TUSC3: variants seen among roughly 807,000 people sequenced by gnomAD.
TUSC3 encodes the protein tumor suppressor candidate 3, also known as dolichyl-diphosphooligosaccharide--protein glycosyltransferase subunit TUSC3.
A neutral mutation model predicts 44.8 loss-of-function variants in TUSC3; 45 were observed. That is an observed-to-expected ratio of 1.00 (90% confidence interval 0.79 to 1.29). The LOEUF (loss-of-function observed/expected upper bound fraction) is 1.29. Ranked by LOEUF, TUSC3 falls within the 50% of genes most tolerant of loss-of-function variation. The pLI is 0.00. For missense variants in TUSC3, 519 were observed against 437.9 expected, an observed-to-expected ratio of 1.19 and a Z score of -1.65; for synonymous variants, 212 against 152.9, an observed-to-expected ratio of 1.39 and a Z score of -2.85.
chr8:15,827,649 G>C, the TUSC3 span, among the ~76,000 whole-genome samples: 1 of 152,128 alleles, frequency 6.6e-6, no homozygotes, highest in Non-Finnish European at 1.5e-5. Context: ...TTTTGCTAAT[G>C]TGTACATTTG....
intron 6 of TUSC3, among the ~76,000 whole-genome samples, chr8:15,711,590 A>G (rs919174729): frequency 6.6e-6 from 1 of 150,968 alleles, no homozygotes; most frequent in African/African-American, 2.4e-5. Flanking sequence ...TTAACTTTGG[A>G]ATTTGTGATA....
intron 2 of TUSC3, among the ~76,000 whole-genome samples, chr8:15,641,058 G>A (rs917580665): frequency 1.3e-5 from 2 of 152,130 alleles, no homozygotes; most frequent in Non-Finnish European, 2.9e-5. Context: ...GTGCTCTGTA[G>A]CTATAGAAAA....
intron 2 of TUSC3, among the ~76,000 whole-genome samples, chr8:15,514,441 G>T (rs1801187459): frequency 6.6e-6 from 1 of 152,066 alleles, no homozygotes; most frequent in African/African-American, 2.4e-5. Context: ...ATATTTCTTT[G>T]GATGCTGTAA....
chr8:15,753,439 T>A (rs904670035), intron 9 of TUSC3, among the ~76,000 whole-genome samples: 1 of 152,094 alleles, frequency 6.6e-6, no homozygotes, highest in African/African-American at 2.4e-5. Context: ...CAGGTTTATA[T>A]AGTATAACTG....
At chr8:15,663,943 T>A in intron 5 of TUSC3, among the ~76,000 whole-genome samples, 1 of 151,982 alleles carries the variant, frequency 6.6e-6, no homozygotes, top group Middle Eastern at 3.4e-3. Context: ...GTCACTATTT[T>A]AGTCTACCAA....
chr8:15,754,317 A>C (rs990004989), intron 9 of TUSC3, among the ~76,000 whole-genome samples: 1 of 111,664 alleles, frequency 9.0e-6, no homozygotes, highest in African/African-American at 2.8e-5. Flanking sequence ...AACCACTCCA[A>C]CCATCCAAGA....
the TUSC3 span, among the ~76,000 whole-genome samples, chr8:15,834,485 C>T: frequency 7.2e-5 from 11 of 152,120 alleles, no homozygotes; most frequent in Non-Finnish European, 1.6e-4. Flanking sequence ...GTTTTTTAGA[C>T]TGAAACAGGT....
At chr8:15,808,223 G>C in the TUSC3 span, among the ~76,000 whole-genome samples, 1 of 151,940 alleles carries the variant, frequency 6.6e-6, no homozygotes, top group Non-Finnish European at 1.5e-5. Flanking sequence ...GGTATAATGT[G>C]TTCCTTAAGA....
intron 2 of TUSC3, among the ~76,000 whole-genome samples, chr8:15,502,368 C>G (rs1433135808): frequency 4.6e-5 from 7 of 152,138 alleles, no homozygotes; most frequent in Admixed American, 4.6e-4. Context: ...CCTTTTTCAG[C>G]CCTCAGACTG....
Position 15,692,363 on chromosome 8 carries a change from C to CG in TUSC3, c.798+18527_798+18528insG, listed in dbSNP as rs1301204935. 3.7e-4 allele frequency among the ~76,000 whole-genome samples: 46 copies of CG among 125,802 alleles called. 1 individual carries two copies. Among genetic ancestry groups the CG allele is most frequent in the Non-Finnish European group, 4.5e-4 (28 of 61,942 alleles). 82.5% of individuals were successfully genotyped at this position (125,802 alleles called of 152,430 possible). The stretch of plus-strand genomic sequence containing the variant: ...AGAATGAGTTTGGGAGGAGACCCCC[C>CG]CCCCCCCCTTTGTTTTTTTTTTTTT... On this transcript the variant is annotated intron_variant, in intron 6 of 10. Coordinates refer to ENST00000503731, the MANE Select transcript of TUSC3 (RefSeq NM_006765.4).
intron 2 of TUSC3, among the ~76,000 whole-genome samples, chr8:15,484,054 A>G (rs189404955): frequency 1.3e-5 from 2 of 152,126 alleles, no homozygotes; most frequent in African/African-American, 4.8e-5. Flanking sequence ...ATTAGTATGT[A>G]TGTTATATTA....
chr8:15,611,795 G>T (rs1334964406), intron 1 of TUSC3, among the ~76,000 whole-genome samples: 2 of 152,102 alleles, frequency 1.3e-5, no homozygotes, highest in Non-Finnish European at 2.9e-5. Flanking sequence ...GTTCCTAGAA[G>T]CATTAATTGC....
At chr8:15,441,585 T>C (rs1800020770) in intron 1 of TUSC3, among the ~76,000 whole-genome samples, 1 of 152,224 alleles carries the variant, frequency 6.6e-6, no homozygotes, top group South Asian at 2.1e-4. Context: ...TAATAGGCTA[T>C]GCTGAGAATT....
intron 1 of TUSC3, among the ~76,000 whole-genome samples, chr8:15,581,861 C>CCGCTGCCTT (rs1204024995): frequency 2.2e-5 from 2 of 92,308 alleles, no homozygotes; most frequent in East Asian, 8.1e-4. Context: ...TGGAGCTTCC[C>CCGCTGCCTT]GTTTACCTAA....
At chr8:15,515,299 GAC>G (rs1801202338) in intron 2 of TUSC3, among the ~76,000 whole-genome samples, 1 of 152,094 alleles carries the variant, frequency 6.6e-6, no homozygotes, top group South Asian at 2.1e-4. Flanking sequence ...AAGATTCAGT[GAC>G]ACAACAATAC....
chr8:15,530,146 T>A (rs745560375), intron 2 of TUSC3, among the ~76,000 whole-genome samples: 1 of 151,958 alleles, frequency 6.6e-6, no homozygotes, highest in African/African-American at 2.4e-5. Context: ...GGGGCTGAAG[T>A]CTCTGCTTAC....
At chr8:15,658,580 C>CT (rs777326307) in intron 3 of TUSC3, among the ~76,000 whole-genome samples, 11 of 151,132 alleles carry the variant, frequency 7.3e-5, no homozygotes, top group East Asian at 1.9e-4. Context: ...CATTTTAAAA[C>CT]TTTTTTTTAT....
At chr8:15,788,900 AT>A in the TUSC3 span, among the ~76,000 whole-genome samples, 1 of 152,122 alleles carries the variant, frequency 6.6e-6, no homozygotes, top group African/African-American at 2.4e-5. Flanking sequence ...ATTCTCAGAC[AT>A]TTGGGGTACA....
At chr8:15,793,258 G>A in the TUSC3 span, among the ~76,000 whole-genome samples, 2 of 152,036 alleles carry the variant, frequency 1.3e-5, 1 homozygote, top group South Asian at 4.1e-4. Flanking sequence ...AAACTCTGCT[G>A]CTTCTCACAC....
Sources: gnomAD v4.1 joint callset for allele counts (sites outside exome capture counted in the v4.1 genomes callset) on GRCh38, gnomAD v4.1.1 for gene constraint, MANE v1.5 for transcripts, NCBI Gene and HGNC (gene_info 2026-07-23, HGNC 2026-07-21) for gene names.